AK4: variants seen among roughly 807,000 people sequenced by gnomAD.
The protein encoded by AK4 is adenylate kinase 4.
A neutral mutation model predicts 24.6 loss-of-function variants in AK4; 13 were observed. That is an observed-to-expected ratio of 0.53 (90% CI 0.34 to 0.84). AK4 has a LOEUF of 0.84. Ranked by LOEUF, AK4 falls within the 40% of genes least tolerant of loss-of-function variation. The pLI is 0.01. For synonymous variants in AK4, 88 were observed against 107.0 expected, an observed-to-expected ratio of 0.82 and a Z score of 1.10; for missense variants, 192 against 288.2, an observed-to-expected ratio of 0.67 and a Z score of 2.42.
At chr1:65,166,516 A>G (rs1427343030) in intron 1 of AK4, among the ~76,000 whole-genome samples, 1 of 151,584 alleles carries the variant, frequency 6.6e-6, no homozygotes, top group Non-Finnish European at 1.5e-5. Context: ...CCTTGAATCC[A>G]TAATTGCTTT....
At chr1:65,162,658 C>T (rs1028346116) in intron 1 of AK4, among the ~76,000 whole-genome samples, 1 of 151,434 alleles carries the variant, frequency 6.6e-6, no homozygotes, top group African/African-American at 2.4e-5. Context: ...CCGGCTAACA[C>T]GGTGAAACAC....
At chr1:65,195,908 G>A (rs1217368484) in intron 2 of AK4, among the ~76,000 whole-genome samples, 1 of 152,146 alleles carries the variant, frequency 6.6e-6, no homozygotes, top group African/African-American at 2.4e-5. Flanking sequence ...TATCTTTTCA[G>A]TGCTTGCTTT....
intron 1 of AK4, 99 bp downstream of exon 1, chr1:65,148,651 G>C (rs757835690): frequency 3.5e-6 from 5 of 1,415,872 alleles, no homozygotes; most frequent in Non-Finnish European, 4.6e-6. Flanking sequence ...CCCTTCCCCC[G>C]CCCGCGTGTG....
chr1:65,214,346 A>G (rs1652059472), intron 2 of AK4, among the ~76,000 whole-genome samples: 2 of 152,134 alleles, frequency 1.3e-5, no homozygotes, highest in Admixed American at 1.3e-4. Flanking sequence ...CCTGACCGCA[A>G]GTGATCCACC....
chr1:65,192,837 A>C (rs187598858), intron 2 of AK4, among the ~76,000 whole-genome samples: 144 of 152,324 alleles, frequency 9.5e-4, no homozygotes, highest in Middle Eastern at 6.8e-3. Context: ...GGAGACATTA[A>C]GTCTTAAAGA....
intron 4 of AK4, among the ~76,000 whole-genome samples, chr1:65,225,760 G>A (rs1381238207): frequency 6.6e-6 from 1 of 151,936 alleles, no homozygotes; most frequent in South Asian, 2.1e-4. Context: ...TCAGTGGTTC[G>A]CTTTTGAAAA....
At chr1:65,218,724 C>T (rs1417013454) in intron 2 of AK4, 30 bp from the exon 3 acceptor site, 1 of 1,547,034 alleles carries the variant, frequency 6.5e-7, no homozygotes, top group Non-Finnish European at 8.7e-7. Flanking sequence ...CAATAGCTTG[C>T]ATTTCACTTG....
At chr1:65,179,074 G>C (rs370905531) in intron 1 of AK4, among the ~76,000 whole-genome samples, 2 of 152,278 alleles carry the variant, frequency 1.3e-5, no homozygotes, top group East Asian at 3.9e-4. Flanking sequence ...AGGAAAGGAA[G>C]CTGACTGGTG....
At chr1:65,194,622 C>G (rs12092903) in intron 2 of AK4, among the ~76,000 whole-genome samples, 6,323 of 152,228 alleles carry the variant, frequency 0.042, 371 homozygotes, top group African/African-American at 0.13. Context: ...CCACCATGCC[C>G]AGCTAATTTT....
chr1:65,214,681 C>T (rs780992862), intron 2 of AK4, among the ~76,000 whole-genome samples: 19 of 152,156 alleles, frequency 1.2e-4, no homozygotes, highest in Non-Finnish European at 2.6e-4. Context: ...TAGTGAGTGG[C>T]ACCCAGATCT....
chr1:65,182,698 G>A (rs1486639779), intron 1 of AK4, among the ~76,000 whole-genome samples: 3 of 152,200 alleles, frequency 2.0e-5, no homozygotes, highest in African/African-American at 4.8e-5. Flanking sequence ...TGTCTCCAGC[G>A]TCAAGAAACT....
chr1:65,148,315 A>C lies in AK4; in HGVS notation c.-93A>C, dbSNP rs1570047958. 5 of 1,455,382 alleles carry C rather than the reference A, an allele frequency of 3.4e-6. No homozygotes were observed. In the Admixed American group the frequency reaches 1.1e-4, roughly 31 times the overall value. The allele number at this position is 1,455,382 out of a possible 1,614,324, so 90.2% of individuals were successfully genotyped here. ...AGTCCCAGTGAGAGCGGAGGGTGCC[A>C]GAGGTAGGGGGCCGAGAAACAAAGT... On this transcript the variant is annotated 5_prime_UTR_variant, in exon 1 of 5. Transcript: ENST00000327299.
intron 2 of AK4, among the ~76,000 whole-genome samples, chr1:65,207,988 A>G (rs1157424288): frequency 6.6e-6 from 1 of 152,252 alleles, no homozygotes; most frequent in East Asian, 1.9e-4. Flanking sequence ...TGCTATGGTG[A>G]ATAGTACTGT....
rs1652638628 is a variant in AK4, at chr1:65,231,344, TG to T, written c.*5168del. On this transcript the variant is annotated 3_prime_UTR_variant, in exon 5 of 5. Transcript: ENST00000327299. ...CCCAATTTGATCATTTTTGTGTGTG[TG>T]TGGTGTGTGTGTGAGAGAGAGAGAT... The T allele has an allele frequency of 6.5e-6, 1 of 152,740 alleles. No homozygotes were observed. Among genetic ancestry groups the T allele is most frequent in the Admixed American group, 6.5e-5 (1 of 15,320 alleles). 9.5% of individuals were successfully genotyped at this position (152,740 alleles called of 1,614,324 possible). A position where few individuals can be genotyped will look rare whatever the true frequency, so the allele number is the denominator to read the frequency against.
At chr1:65,203,760 G>A (rs368664609) in intron 2 of AK4, among the ~76,000 whole-genome samples, 2 of 151,952 alleles carry the variant, frequency 1.3e-5, no homozygotes, top group African/African-American at 2.4e-5. Flanking sequence ...AGCTGAGACC[G>A]TGCCATTGCA....
chr1:65,197,692 A>G (rs1651525933), intron 2 of AK4, among the ~76,000 whole-genome samples: 1 of 152,228 alleles, frequency 6.6e-6, no homozygotes, highest in Non-Finnish European at 1.5e-5. Flanking sequence ...CCCTTGGTGT[A>G]GGTGTATGAT....
chr1:65,156,415 TTAGA>T (rs964082077), intron 1 of AK4, among the ~76,000 whole-genome samples: 5 of 152,204 alleles, frequency 3.3e-5, no homozygotes, highest in African/African-American at 1.2e-4. Context: ...GCAGTAAAGC[TTAGA>T]TAGTGGTTTC....
intron 2 of AK4, among the ~76,000 whole-genome samples, chr1:65,200,332 C>A (rs1651625357): frequency 1.3e-5 from 2 of 152,136 alleles, no homozygotes; most frequent in Admixed American, 6.5e-5. Flanking sequence ...CCAGGCTGGT[C>A]TCAAACTCCT....
chr1:65,225,003 A>G, intron 4 of AK4, 133 bp downstream of exon 4: 1 of 614,524 alleles, frequency 1.6e-6, no homozygotes, highest in Non-Finnish European at 2.8e-6. Context: ...AAACCTTCCC[A>G]GAAGTCAGAT....
Sources: gnomAD v4.1 joint callset for allele counts (sites outside exome capture counted in the v4.1 genomes callset) on GRCh38, gnomAD v4.1.1 for gene constraint, MANE v1.5 for transcripts, NCBI Gene and HGNC (gene_info 2026-07-23, HGNC 2026-07-21) for gene names.